CRISP3: variants seen among roughly 807,000 people sequenced by gnomAD.
CRISP3 encodes cysteine rich secretory protein 3.
Under a neutral mutation model 36.1 loss-of-function variants are expected in CRISP3, and 33 were observed. The ratio of observed to expected loss-of-function variants is 0.91; its 90% CI spans 0.69 to 1.22. The LOEUF (loss-of-function observed/expected upper bound fraction) is 1.22, where lower values mean the gene tolerates loss of function less well. Among genes scored for constraint, CRISP3 ranks in the 50% most tolerant of loss-of-function variants. The pLI is 0.00. For missense variants in CRISP3, 330 were observed against 301.2 expected (o/e 1.10, Z -0.71); for synonymous variants, 117 against 104.6 (o/e 1.12, Z -0.72).
intron 1 of CRISP3, among the ~76,000 whole-genome samples, chr6:49,739,001 G>GAA (rs78282683): frequency 7.3e-4 from 106 of 145,272 alleles, no homozygotes; most frequent in African/African-American, 1.9e-3. Flanking sequence ...CTTGAAGTCT[G>GAA]AAAAAAAAAA....
chr6:49,730,749 T>A (rs1210718831), intron 7 of CRISP3, among the ~76,000 whole-genome samples: 1 of 152,160 alleles, frequency 6.6e-6, no homozygotes, highest in Non-Finnish European at 1.5e-5. Context: ...CACTTAAAAA[T>A]GCTCTGTAAG....
At chr6:49,737,220 T>G in intron 2 of CRISP3, 105 bp downstream of exon 2, 1 of 813,854 alleles carries the variant, frequency 1.2e-6, no homozygotes. Context: ...TACTTTATGA[T>G]GTACCAGACA....
intron 7 of CRISP3, 134 bp downstream of exon 7, chr6:49,731,029 C>T: frequency 3.4e-6 from 2 of 596,100 alleles, no homozygotes; most frequent in Non-Finnish European, 5.7e-6. Flanking sequence ...GCGACAGAGC[C>T]AGACAGACTT....
intron 6 of CRISP3, among the ~76,000 whole-genome samples, chr6:49,732,342 A>C (rs1262089849): frequency 6.6e-6 from 1 of 152,206 alleles, no homozygotes; most frequent in Admixed American, 6.5e-5. Flanking sequence ...GGAATCCTAC[A>C]TCACCTGGGA....
rs1768789345 is a variant in CRISP3, at chr6:49,727,378, T to C, written c.*1352A>G. 6.6e-6 allele frequency: 1 copy of C among 152,086 alleles called. No homozygotes were observed. Among genetic ancestry groups the C allele is most frequent in the South Asian group, 2.1e-4 (1 of 4,828 alleles). 9.4% of individuals were successfully genotyped at this position (152,086 alleles called of 1,614,324 possible). On this transcript the variant is annotated 3_prime_UTR_variant, in exon 8 of 8. Coordinates refer to ENST00000263045, the MANE Select transcript of CRISP3 (RefSeq NM_006061.4). ...AGTCAAGAAATAAAATTCTTGTATT[T>C]TTTTTCAAGACACTTTTTATTTTGC...
chr6:49,736,140 T>C (rs529763962), intron 3 of CRISP3, among the ~76,000 whole-genome samples: 1 of 152,250 alleles, frequency 6.6e-6, no homozygotes, highest in South Asian at 2.1e-4. Flanking sequence ...TAATGGCTTT[T>C]CACCGTATGT....
At chr6:49,744,051 A>G (rs571989648) in intron 1 of CRISP3, among the ~76,000 whole-genome samples, 51 of 152,232 alleles carry the variant, frequency 3.4e-4, no homozygotes, top group Non-Finnish European at 6.2e-4. Flanking sequence ...AGTCATAGAC[A>G]TGGGAATTAG....
At position 49,737,260 on chromosome 6, in the gene CRISP3, T is replaced by A. The variant is rs375286089; in HGVS notation, c.111+65A>T. On this transcript the variant is annotated intron_variant, in intron 2 of 7. Transcript: ENST00000263045. ...AGACCTTTTCACTTTTGAAGATTGA[T>A]CTAGTAGCTTGCCATCCCTCATGGT... 46 of 1,248,386 alleles carry A rather than the reference T, an allele frequency of 3.7e-5. 1 individual carries two copies. In the South Asian group the frequency reaches 3.8e-4, roughly 10 times the overall value. 77.3% of individuals were successfully genotyped at this position (1,248,386 alleles called of 1,614,324 possible).
intron 3 of CRISP3, among the ~76,000 whole-genome samples, chr6:49,735,942 T>C (rs1769040470): frequency 6.6e-6 from 1 of 152,174 alleles, no homozygotes; most frequent in South Asian, 2.1e-4. Flanking sequence ...AGTAATTAGC[T>C]GGCTTACTTC....
chr6:49,740,292 C>T (rs939523079), intron 1 of CRISP3, among the ~76,000 whole-genome samples: 2 of 152,160 alleles, frequency 1.3e-5, no homozygotes, highest in Non-Finnish European at 2.9e-5. Context: ...CTGGCTTTAA[C>T]AGTCCATTTT....
At chr6:49,735,785 T>C (rs1769035178) in intron 3 of CRISP3, among the ~76,000 whole-genome samples, 194 bp from the exon 4 acceptor site, 1 of 152,178 alleles carries the variant, frequency 6.6e-6, no homozygotes, top group Non-Finnish European at 1.5e-5. Context: ...ATAGGTAATA[T>C]GCCTACCCTA....
In CRISP3 at chr6:49,727,833, T is replaced by C. The variant is rs1341377938; in HGVS notation, c.*897A>G. The C allele has an allele frequency of 6.6e-6, 1 of 152,186 alleles. No individual in the cohort carries two copies. The highest frequency in any genetic ancestry group is 1.5e-5 in the Non-Finnish European group (1 of 68,010). 9.4% of individuals were successfully genotyped at this position (152,186 alleles called of 1,614,324 possible). On this transcript the variant is annotated 3_prime_UTR_variant, in exon 8 of 8. Coordinates refer to ENST00000263045, the MANE Select transcript of CRISP3 (RefSeq NM_006061.4). ...GGATTATGAATTTTTAGAAAGATTA[T>C]CTAGAACAAATCTGAATGACTTATC... is the stretch of plus-strand genomic sequence containing the variant.
At chr6:49,734,893 T>C (rs1582193217) in intron 4 of CRISP3, among the ~76,000 whole-genome samples, 1 of 152,258 alleles carries the variant, frequency 6.6e-6, no homozygotes, top group African/African-American at 2.4e-5. Context: ...ATAGGTTATG[T>C]CTTGCAGGTC....
At position 49,728,013 on chromosome 6, in the gene CRISP3, CCTT is replaced by C. The variant is rs1300677836; in HGVS notation, c.*714_*716del. The C allele has an allele frequency of 1.3e-5, 2 of 152,056 alleles. No homozygotes were observed. Among genetic ancestry groups the C allele is most frequent in the African/African-American group, 2.4e-5 (1 of 41,404 alleles). 9.4% of individuals were successfully genotyped at this position (152,056 alleles called of 1,614,324 possible). The stretch of plus-strand genomic sequence containing the variant: ...CAAGGGAGAGGACTGAGTTCTACCT[CCTT>C]GAGTGGAGGGTATTTACCTATATTA... On this transcript the variant is annotated 3_prime_UTR_variant, in exon 8 of 8. Transcript: ENST00000263045.
intron 6 of CRISP3, 47 bp from the exon 7 acceptor site, chr6:49,731,298 C>T (rs780729965): frequency 1.2e-5 from 15 of 1,275,228 alleles, no homozygotes; most frequent in South Asian, 2.6e-5. Flanking sequence ...TTTTATGTTT[C>T]GTTTATGTTC....
intron 1 of CRISP3, among the ~76,000 whole-genome samples, chr6:49,738,587 C>G (rs966706223): frequency 6.6e-6 from 1 of 152,154 alleles, no homozygotes; most frequent in Non-Finnish European, 1.5e-5. Flanking sequence ...GGGGCTGGGA[C>G]TGGGTCTCCC....
At chr6:49,743,135 GAT>G (rs1561911492) in intron 1 of CRISP3, among the ~76,000 whole-genome samples, 2 of 152,134 alleles carry the variant, frequency 1.3e-5, no homozygotes, top group African/African-American at 4.8e-5. Context: ...AATTCGTAAA[GAT>G]ATCCAAATAA....
intron 1 of CRISP3, among the ~76,000 whole-genome samples, chr6:49,741,151 CA>C (rs10616289): frequency 0.032 from 4,350 of 135,364 alleles, 163 homozygotes; most frequent in African/African-American, 0.092. Context: ...AAAAAACCAC[CA>C]AAAAAAAAAA....
chr6:49,734,752 C>T (rs1470141454), intron 4 of CRISP3, among the ~76,000 whole-genome samples: 2 of 152,048 alleles, frequency 1.3e-5, no homozygotes. Context: ...ATTTTCAAAA[C>T]AAGCCAGTTA....
Sources: gnomAD v4.1 joint callset for allele counts (sites outside exome capture counted in the v4.1 genomes callset) on GRCh38, gnomAD v4.1.1 for gene constraint, MANE v1.5 for transcripts, NCBI Gene and HGNC (gene_info 2026-07-23, HGNC 2026-07-21) for gene names.